ZNF407: variants seen among roughly 807,000 people sequenced by gnomAD.
ZNF407 encodes zinc finger protein 407.
ZNF407 carries 17 observed loss-of-function variants against 131.2 expected under a neutral mutation model. That is an observed-to-expected ratio of 0.13 (90% CI 0.09 to 0.19). The LOEUF is 0.19. Among genes scored for constraint, ZNF407 ranks in the 10% least tolerant of loss-of-function variants. The pLI, the probability that ZNF407 is intolerant of heterozygous loss-of-function variation, is 1.00. For synonymous variants in ZNF407, 1,156 were observed against 1,062.0 expected (o/e 1.09, Z -1.72); for missense variants, 2,681 against 2,830.6 (o/e 0.95, Z 1.20).
chr18:74,989,956 A>T (rs1217409803), intron 8 of ZNF407, among the ~76,000 whole-genome samples: 1 of 152,206 alleles, frequency 6.6e-6, no homozygotes, highest in Non-Finnish European at 1.5e-5. Flanking sequence ...AAATCCATGA[A>T]TTATGAAAAT....
chr18:74,733,141 A>G (rs2144899922), intron 3 of ZNF407, among the ~76,000 whole-genome samples: 1 of 152,236 alleles, frequency 6.6e-6, no homozygotes, highest in South Asian at 2.1e-4. Flanking sequence ...AGATATAATA[A>G]GCAAGATAAT....
intron 7 of ZNF407, among the ~76,000 whole-genome samples, chr18:74,890,892 T>C (rs901126576): frequency 6.6e-6 from 1 of 152,020 alleles, no homozygotes; most frequent in Non-Finnish European, 1.5e-5. Context: ...TCGGAAAGGA[T>C]GAGGAGGGGA....
At chr18:74,739,641 G>C (rs1047813825) in intron 3 of ZNF407, among the ~76,000 whole-genome samples, 1 of 151,720 alleles carries the variant, frequency 6.6e-6, no homozygotes, top group African/African-American at 2.4e-5. Context: ...ATAAGCAAAC[G>C]TATAACCTTA....
At chr18:74,803,476 A>G (rs574365237) in intron 4 of ZNF407, among the ~76,000 whole-genome samples, 2 of 152,286 alleles carry the variant, frequency 1.3e-5, no homozygotes, top group African/African-American at 4.8e-5. Flanking sequence ...TTCTCTATAA[A>G]GTACTGAAAG....
intron 4 of ZNF407, among the ~76,000 whole-genome samples, chr18:74,838,774 C>A (rs2145128198): frequency 6.6e-6 from 1 of 152,286 alleles, no homozygotes; most frequent in South Asian, 2.1e-4. Context: ...ATATGTTGGG[C>A]TATTTGAGTT....
chr18:75,063,892 C>A lies in ZNF407; in HGVS notation c.6171C>A (p.Thr2057=). ...QESPAAVEVL[T]QVVHPSAAMA... ...GCCCGGCCGCCGTGGAGGTGCTCAC[C>A]CAGGTGGTCCATCCCTCAGCAGCCA... Residue 2057 remains threonine (T), a synonymous_variant, in exon 9 of 9, where the codon ACC becomes ACA. Coordinates refer to ENST00000299687, the MANE Select transcript of ZNF407 (RefSeq NM_017757.3). The surrounding 1 kb of genome is among the most constrained non-coding windows in gnomAD (Gnocchi z 6.6). 3 of 1,613,408 alleles carry A rather than the reference C, an allele frequency of 1.9e-6. No homozygotes were observed. The highest frequency in any genetic ancestry group is 2.5e-6 in the Non-Finnish European group (3 of 1,179,840).
chr18:74,860,830 T>C (rs1970927795), intron 4 of ZNF407, among the ~76,000 whole-genome samples: 1 of 152,136 alleles, frequency 6.6e-6, no homozygotes, highest in African/African-American at 2.4e-5. Flanking sequence ...ATTGCAAAAA[T>C]ATTCATTATA....
rs576567218 is a variant in ZNF407 at position 74,934,021 on chromosome 18, A to G, written c.5428+13329A>G. Among the ~76,000 whole-genome samples, 4 of 152,274 alleles carry G rather than the reference A, an allele frequency of 2.6e-5. No individual in the cohort carries two copies. In the East Asian group the frequency reaches 7.7e-4, roughly 29 times the overall value. ...GCAGCAGAATATACTGTAGGCCCCA[A>G]CTAGATAAAATAGCATTTTTGATGG... On this transcript the variant is annotated intron_variant, in intron 8 of 8. Coordinates refer to ENST00000299687, the MANE Select transcript of ZNF407 (RefSeq NM_017757.3).
intron 8 of ZNF407, among the ~76,000 whole-genome samples, chr18:74,990,683 A>G (rs1028104105): frequency 1.3e-5 from 2 of 152,242 alleles, no homozygotes; most frequent in Admixed American, 6.5e-5. Context: ...TAAATGCCAC[A>G]TTAACTCTTC....
chr18:74,956,662 G>A (rs966870694), intron 8 of ZNF407, among the ~76,000 whole-genome samples: 1 of 152,112 alleles, frequency 6.6e-6, no homozygotes, highest in Non-Finnish European at 1.5e-5. Flanking sequence ...TTTAGTCAGG[G>A]TTGGTTTCAT....
intron 3 of ZNF407, among the ~76,000 whole-genome samples, chr18:74,766,141 G>A (rs966393222): frequency 2.6e-5 from 4 of 152,060 alleles, no homozygotes; most frequent in African/African-American, 9.7e-5. Context: ...GCAACAATGG[G>A]AGCTTTTTAA....
intron 4 of ZNF407, among the ~76,000 whole-genome samples, chr18:74,851,297 T>C (rs1466406481): frequency 6.6e-6 from 1 of 152,114 alleles, no homozygotes; most frequent in Admixed American, 6.5e-5. Flanking sequence ...TGCATACTTA[T>C]GTGAGCCACA....
At position 74,807,491 on chromosome 18, in the gene ZNF407, C is replaced by T. The variant is rs144383003; in HGVS notation, c.4877+25989C>T. 2.3e-4 allele frequency among the ~76,000 whole-genome samples: 35 copies of T among 152,232 alleles called. No homozygotes were observed. In the East Asian group the frequency reaches 6.2e-3, roughly 27 times the overall value. On this transcript the variant is annotated intron_variant, in intron 4 of 8. Transcript: ENST00000299687. ...ATGCTATAGTATGGTGCTCAAGTTC[C>T]CCTATGATAGTATTTCAAACTTCTG...
chr18:74,734,673 G>A (rs1174746094), intron 3 of ZNF407, among the ~76,000 whole-genome samples: 1 of 118,970 alleles, frequency 8.4e-6, no homozygotes, highest in Non-Finnish European at 1.7e-5. Context: ...GTTTCAATTT[G>A]TGTGTGTGTG....
intron 3 of ZNF407, among the ~76,000 whole-genome samples, chr18:74,737,618 AC>A (rs1329407136): frequency 1.3e-5 from 2 of 152,152 alleles, no homozygotes; most frequent in Non-Finnish European, 2.9e-5. Flanking sequence ...GTGGATACAT[AC>A]GCAGACACAC....
chr18:74,656,940 T>C (rs1182606062), intron 3 of ZNF407, among the ~76,000 whole-genome samples: 1 of 152,240 alleles, frequency 6.6e-6, no homozygotes, highest in Non-Finnish European at 1.5e-5. Context: ...GTATTGCTTA[T>C]TACTGTGCTT....
chr18:74,816,074 T>C (rs1287854574), intron 4 of ZNF407, among the ~76,000 whole-genome samples: 1 of 152,230 alleles, frequency 6.6e-6, no homozygotes, highest in Non-Finnish European at 1.5e-5. Flanking sequence ...AATTCATGAC[T>C]GAATGTACAG....
intron 3 of ZNF407, among the ~76,000 whole-genome samples, chr18:74,769,646 C>A (rs1260298821): frequency 2.0e-5 from 3 of 152,198 alleles, no homozygotes; most frequent in Non-Finnish European, 4.4e-5. Context: ...TTTCGTCTCA[C>A]ATGTCATGTT....
intron 4 of ZNF407, among the ~76,000 whole-genome samples, chr18:74,810,910 C>G (rs1271469613): frequency 6.6e-6 from 1 of 152,136 alleles, no homozygotes. Flanking sequence ...AGAAGAAAAC[C>G]TAGGCATTGC....
Sources: gnomAD v4.1 joint callset for allele counts (sites outside exome capture counted in the v4.1 genomes callset) on GRCh38, gnomAD v4.1.1 for gene constraint, Gnocchi (gnomAD v3.1) non-coding constraint, MANE v1.5 for transcripts, NCBI Gene and HGNC (gene_info 2026-07-23, HGNC 2026-07-21) for gene names.